TRIM24: variants seen among roughly 807,000 people sequenced by gnomAD.
TRIM24 encodes transcription intermediary factor 1-alpha.
TRIM24 carries 29 observed loss-of-function variants against 123.9 expected under a neutral mutation model. The observed-to-expected ratio is 0.23, with a 90% CI of 0.17 to 0.32. The LOEUF (loss-of-function observed/expected upper bound fraction) is 0.32, where lower values mean the gene tolerates loss of function less well. Among genes scored for constraint, TRIM24 ranks in the 10% least tolerant of loss-of-function variants. The pLI is 1.00. For missense variants in TRIM24, 932 were observed against 1,295.3 expected (o/e 0.72, Z 4.31); for synonymous variants, 456 against 461.1 (o/e 0.99, Z 0.14).
rs1476935342 is a variant in TRIM24, at chr7:138,531,255, A to ATGTTACATATGTTTACATG, written c.996+2038_996+2056dup. Among the ~76,000 whole-genome samples the ATGTTACATATGTTTACATG allele has an allele frequency of 2.0e-5, 3 of 151,620 alleles. 1 individual carries two copies. The highest frequency in any genetic ancestry group is 4.1e-4 in the South Asian group (2 of 4,826). On this transcript the variant is annotated intron_variant, in intron 6 of 18. Coordinates refer to ENST00000343526, the MANE Select transcript of TRIM24 (RefSeq NM_015905.3). ...ACATGTTACACGTTACATGTTACATATGTTACATATGTTTACATGTGTTAC... is the reference window on the plus strand; with the variant it reads ...ACATGTTACACGTTACATGTTACATATGTTACATATGTTTACATGTGTTACATATGTTTACATGTGTTAC...
intron 12 of TRIM24, 60 bp from the exon 13 acceptor site, chr7:138,576,313 C>A: frequency 1.4e-6 from 2 of 1,467,828 alleles, no homozygotes; most frequent in Admixed American, 1.7e-5. Flanking sequence ...ACACATTCAA[C>A]AGGACTTCAA....
At chr7:138,472,169 A>T (rs1795285743) in intron 1 of TRIM24, among the ~76,000 whole-genome samples, 2 of 152,164 alleles carry the variant, frequency 1.3e-5, no homozygotes, top group South Asian at 4.1e-4. Flanking sequence ...GGATAAGGTA[A>T]TACTTAAGGG....
intron 1 of TRIM24, among the ~76,000 whole-genome samples, chr7:138,486,391 T>A (rs1209861892): frequency 1.3e-5 from 2 of 149,964 alleles, no homozygotes; most frequent in African/African-American, 4.9e-5. Flanking sequence ...TTTTGGTGTT[T>A]TAGTCATGAA....
rs560837020 is a variant in TRIM24, at chr7:138,587,707, C to G, written c.*2756C>G. 12 of 152,294 alleles carry G rather than the reference C, an allele frequency of 7.9e-5. No individual in the cohort carries two copies. The highest frequency in any genetic ancestry group is 2.9e-4 in the African/African-American group (12 of 41,560). 9.4% of individuals were successfully genotyped at this position (152,294 alleles called of 1,614,324 possible). A position where few individuals can be genotyped will look rare whatever the true frequency, so the allele number is the denominator to read the frequency against. On this transcript the variant is annotated 3_prime_UTR_variant, in exon 19 of 19. Transcript: ENST00000343526. ...ATGTTTATCACACTTCTGGCTAGGG[C>G]TTATGGATGAGCAGACCACGTAGGA...
chr7:138,547,414 A>T (rs1797124063), intron 7 of TRIM24, among the ~76,000 whole-genome samples: 1 of 152,248 alleles, frequency 6.6e-6, no homozygotes, highest in South Asian at 2.1e-4. Context: ...ACAAAAAAAT[A>T]AGTATATGAG....
chr7:138,487,107 A>C (rs1017162942), intron 1 of TRIM24, among the ~76,000 whole-genome samples: 1 of 152,122 alleles, frequency 6.6e-6, no homozygotes, highest in African/African-American at 2.4e-5. Flanking sequence ...GCAATTGTGA[A>C]TGGGAGTTCA....
intron 9 of TRIM24, among the ~76,000 whole-genome samples, chr7:138,558,932 C>T (rs558545666): frequency 6.6e-5 from 10 of 152,350 alleles, no homozygotes; most frequent in Admixed American, 6.5e-4. Flanking sequence ...AAACGGGGCA[C>T]ACATTTTTGC....
chr7:138,587,128 G>A lies in TRIM24; in HGVS notation c.*2177G>A, dbSNP rs1274380622. 6.6e-6 allele frequency: 1 copy of A among 152,138 alleles called. No individual in the cohort carries two copies. The highest frequency in any genetic ancestry group is 1.5e-5 in the Non-Finnish European group (1 of 68,036). The allele number at this position is 152,138 out of a possible 1,614,324, so 9.4% of individuals were successfully genotyped here. Reference sequence around the variant, plus strand: ...CCAGCACTTTGGGAGGCCAAGGTGGGCGGATCACAAAGTCAAGAGTTCGAG... The same window carrying A: ...CCAGCACTTTGGGAGGCCAAGGTGGACGGATCACAAAGTCAAGAGTTCGAG... On this transcript the variant is annotated 3_prime_UTR_variant, in exon 19 of 19. Coordinates refer to ENST00000343526, the MANE Select transcript of TRIM24 (RefSeq NM_015905.3).
chr7:138,494,881 A>G (rs1426165682), intron 1 of TRIM24, among the ~76,000 whole-genome samples: 3 of 152,208 alleles, frequency 2.0e-5, no homozygotes, highest in Non-Finnish European at 4.4e-5. Flanking sequence ...GACAAGAGTT[A>G]TTCATTGAGT....
chr7:138,550,313 T>G (rs1461785923), intron 7 of TRIM24, among the ~76,000 whole-genome samples: 1 of 134,980 alleles, frequency 7.4e-6, no homozygotes, highest in African/African-American at 2.7e-5. Flanking sequence ...GAAAGAGGAG[T>G]TGATGGTGTG....
chr7:138,502,920 A>G (rs1189147306), intron 1 of TRIM24, among the ~76,000 whole-genome samples: 1 of 152,146 alleles, frequency 6.6e-6, no homozygotes, highest in Non-Finnish European at 1.5e-5. Context: ...TTAAAAATTT[A>G]TTCCAATAAA....
At chr7:138,493,275 T>C (rs1017868159) in intron 1 of TRIM24, among the ~76,000 whole-genome samples, 22 of 152,312 alleles carry the variant, frequency 1.4e-4, no homozygotes, top group African/African-American at 3.9e-4. Flanking sequence ...ATTTTTTTCC[T>C]ATGAACCAGC....
Position 138,481,516 on chromosome 7 carries a change from G to A in TRIM24, c.364+20604G>A, listed in dbSNP as rs1281936183. ...ATGAATCTCTGTGGTAAGTACTCTC[G>A]TTTTAAGAATCTTTCTGGGCTGGGC... is the stretch of plus-strand genomic sequence containing the variant. On this transcript the variant is annotated intron_variant, in intron 1 of 18. Coordinates refer to ENST00000343526, the MANE Select transcript of TRIM24 (RefSeq NM_015905.3). Among the ~76,000 whole-genome samples, 5 of 151,894 alleles carry A rather than the reference G, an allele frequency of 3.3e-5. No individual in the cohort carries two copies. The East Asian group carries it at 5.8e-4, about 18-fold the overall frequency.
chr7:138,540,965 A>G (rs1163738451), intron 7 of TRIM24, among the ~76,000 whole-genome samples: 2 of 152,080 alleles, frequency 1.3e-5, no homozygotes, highest in African/African-American at 2.4e-5. Context: ...CAGCCTCCCA[A>G]TAGCTGGGAC....
chr7:138,468,454 A>G (rs1795199783), intron 1 of TRIM24, among the ~76,000 whole-genome samples: 1 of 151,474 alleles, frequency 6.6e-6, no homozygotes, highest in Non-Finnish European at 1.5e-5. Context: ...TTTGCCTGAT[A>G]TTAATGCCAT....
intron 1 of TRIM24, among the ~76,000 whole-genome samples, chr7:138,502,197 A>G (rs1796054944): frequency 1.3e-5 from 2 of 152,178 alleles, no homozygotes; most frequent in Non-Finnish European, 2.9e-5. Context: ...AGAGCCAGCT[A>G]TTGTCATCTG....
At chr7:138,476,814 A>T (rs1386518402) in intron 1 of TRIM24, among the ~76,000 whole-genome samples, 1 of 152,212 alleles carries the variant, frequency 6.6e-6, no homozygotes, top group East Asian at 1.9e-4. Context: ...TCTCAGAGAT[A>T]CAAATGCAAA....
chr7:138,510,395 G>A (rs531663038), intron 2 of TRIM24, among the ~76,000 whole-genome samples: 1 of 152,148 alleles, frequency 6.6e-6, no homozygotes, highest in African/African-American at 2.4e-5. Context: ...AATCATGTGT[G>A]TGTGTGGTTT....
intron 2 of TRIM24, among the ~76,000 whole-genome samples, chr7:138,508,323 A>G (rs1291386438): frequency 2.0e-5 from 3 of 152,160 alleles, no homozygotes; most frequent in Non-Finnish European, 4.4e-5. Context: ...GAGAAGGGTA[A>G]GAATATTTTG....
Sources: allele counts gnomAD v4.1 joint callset (sites outside exome capture counted in the v4.1 genomes callset), GRCh38; gene constraint gnomAD v4.1.1; transcripts MANE v1.5; gene names NCBI Gene and HGNC (gene_info 2026-07-23, HGNC 2026-07-21).